The following AFDN variants were observed in gnomAD, a reference collection of about 807,000 sequenced individuals.
AFDN encodes afadin, adherens junction formation factor.
Under a neutral mutation model 216.6 loss-of-function variants are expected in AFDN, and 68 were observed. The observed-to-expected ratio is 0.31, with a 90% CI of 0.26 to 0.38. The LOEUF is 0.38. Among genes scored for constraint, AFDN ranks in the 10% least tolerant of loss-of-function variants. The pLI is 1.00. For missense variants in AFDN, 2,136 were observed against 2,342.0 expected, an observed-to-expected ratio of 0.91 and a Z score of 1.82; for synonymous variants, 868 against 853.7, an observed-to-expected ratio of 1.02 and a Z score of -0.29.
intron 25 of AFDN, 144 bp from the exon 26 acceptor site, chr6:167,943,797 A>G: frequency 1.4e-6 from 1 of 707,814 alleles, no homozygotes; most frequent in Non-Finnish European, 2.3e-6. Context: ...GGTAGTGAGT[A>G]AGCTGTCTGG....
At chr6:167,879,471 A>G (rs1455694325) in intron 5 of AFDN, among the ~76,000 whole-genome samples, 1 of 152,190 alleles carries the variant, frequency 6.6e-6, no homozygotes, top group African/African-American at 2.4e-5. Flanking sequence ...TGAGAGTTAA[A>G]GAAGCCAGAG....
chr6:167,891,408 G>GTGTGT (rs1562619712), intron 8 of AFDN, among the ~76,000 whole-genome samples: 6,673 of 71,906 alleles, frequency 0.093, 221 homozygotes, highest in East Asian at 0.18. Flanking sequence ...TAAAGGGGTG[G>GTGTGT]GTGTGTGTGT....
At chr6:167,851,725 A>G (rs894215361) in intron 1 of AFDN, among the ~76,000 whole-genome samples, 2 of 152,180 alleles carry the variant, frequency 1.3e-5, no homozygotes, top group Non-Finnish European at 2.9e-5. Flanking sequence ...ATTTTACCCA[A>G]TGTCTGGCTG....
At chr6:167,944,533 T>C (rs1582995449) in intron 26 of AFDN, among the ~76,000 whole-genome samples, 1 of 152,234 alleles carries the variant, frequency 6.6e-6, no homozygotes, top group East Asian at 1.9e-4. Context: ...TAGTCCTGCA[T>C]TTGCTGAGAT....
intron 6 of AFDN, among the ~76,000 whole-genome samples, chr6:167,885,456 G>A (rs575733362): frequency 2.7e-4 from 41 of 152,238 alleles, no homozygotes; most frequent in Admixed American, 9.2e-4. Context: ...GTATTAATTG[G>A]CCTAATTTCA....
At chr6:167,923,793 T>A (rs1792137044) in intron 22 of AFDN, among the ~76,000 whole-genome samples, 1 of 152,034 alleles carries the variant, frequency 6.6e-6, no homozygotes, top group Non-Finnish European at 1.5e-5. Flanking sequence ...TGGCTAATTT[T>A]TTTGAATTTT....
chr6:167,943,155 C>A lies in AFDN; in HGVS notation c.3126C>A (p.Ile1042=). The A allele has an allele frequency of 1.2e-6, 2 of 1,613,916 alleles. No individual in the cohort carries two copies. The highest frequency in any genetic ancestry group is 3.3e-4 in the Middle Eastern group (2 of 6,062). The change falls in exon 24 of 34, where the codon ATC becomes ATA. Residue 1042 remains isoleucine (I), a synonymous_variant. Coordinates refer to ENST00000683244, the MANE Select transcript of AFDN (RefSeq NM_001386888.1). Reference sequence around the variant, plus strand: ...GTGCTGGTCAAGATAAACTAGGAATCTATGTGAAGTCGGTTGTGAAAGGAG... The same window carrying A: ...GTGCTGGTCAAGATAAACTAGGAATATATGTGAAGTCGGTTGTGAAAGGAG... The part of the protein sequence containing the change: ...AKGAGQDKLG[I]YVKSVVKGGA...
rs1306844502 is a variant in AFDN, at chr6:167,910,228, G to A, written c.1770-873G>A. 2.6e-5 allele frequency among the ~76,000 whole-genome samples: 4 copies of A among 152,284 alleles called. No homozygotes were observed. In the East Asian group the frequency reaches 5.8e-4, roughly 22 times the overall value. On this transcript the variant is annotated intron_variant, in intron 13 of 33. Transcript: ENST00000683244. ...ATAACACAAGATTATATCTTACATT[G>A]TGCTCTGGTGAACACACATACAAAT...
chr6:167,860,398 A>T (rs2128216152), intron 1 of AFDN, among the ~76,000 whole-genome samples: 1 of 152,246 alleles, frequency 6.6e-6, no homozygotes, highest in African/African-American at 2.4e-5. Flanking sequence ...TTATATGCAG[A>T]GCATTGTATT....
chr6:167,907,321 GT>G (rs1789832259), intron 13 of AFDN, 32 bp downstream of exon 13: 5 of 1,504,580 alleles, frequency 3.3e-6, no homozygotes, highest in Admixed American at 1.7e-5. Context: ...AATGGTGAAA[GT>G]ACTGAAAGTA....
Position 167,893,948 on chromosome 6 carries a change from A to C in AFDN, c.1222+42A>C, listed in dbSNP as rs752802109. ...TACTACTTTTATAACTAAAGCACTA[A>C]TAGAACCTCATGGGCAGAATAGTGT... On this transcript the variant is annotated intron_variant, in intron 9 of 33. Coordinates refer to ENST00000683244, the MANE Select transcript of AFDN (RefSeq NM_001386888.1). The C allele has an allele frequency of 5.7e-6, 8 of 1,407,722 alleles. No individual in the cohort carries two copies. The African/African-American group carries it at 1.1e-4, about 20-fold the overall frequency. The allele number at this position is 1,407,722 out of a possible 1,614,324, so 87.2% of individuals were successfully genotyped here.
chr6:167,893,720 A>G, intron 8 of AFDN, 142 bp from the exon 9 acceptor site: 1 of 676,580 alleles, frequency 1.5e-6, no homozygotes, highest in South Asian at 1.7e-5. Flanking sequence ...GGTGAAGTGT[A>G]CCTTTTCTTC....
chr6:167,923,010 G>T (rs1165861059), intron 22 of AFDN, 51 bp downstream of exon 22: 2 of 1,270,306 alleles, frequency 1.6e-6, no homozygotes, highest in Non-Finnish European at 2.3e-6. Flanking sequence ...AGGACTTGAA[G>T]ATGTGATGCA....
At chr6:167,850,256 CT>C (rs1473534506) in intron 1 of AFDN, among the ~76,000 whole-genome samples, 2 of 152,130 alleles carry the variant, frequency 1.3e-5, no homozygotes, top group African/African-American at 2.4e-5. Context: ...CCCAACCCCC[CT>C]CTCGCTCATG....
chr6:167,967,009 A>G (rs1234180287), intron 32 of AFDN, among the ~76,000 whole-genome samples: 1 of 152,256 alleles, frequency 6.6e-6, no homozygotes, highest in Middle Eastern at 3.2e-3. Flanking sequence ...ACTGTAGAGC[A>G]GGACAGTTGT....
intron 23 of AFDN, among the ~76,000 whole-genome samples, chr6:167,935,770 T>G (rs1405626786): frequency 6.6e-6 from 1 of 152,192 alleles, no homozygotes; most frequent in African/African-American, 2.4e-5. Context: ...TAATGGCTCT[T>G]TTGCTTTTCT....
chr6:167,886,568 C>A (rs1357335001), intron 6 of AFDN, among the ~76,000 whole-genome samples: 1 of 151,984 alleles, frequency 6.6e-6, no homozygotes, highest in Non-Finnish European at 1.5e-5. Context: ...TAATCCCTTA[C>A]CATTCACAAG....
chr6:167,833,916 C>G (rs1020118910), intron 1 of AFDN, among the ~76,000 whole-genome samples: 1 of 151,994 alleles, frequency 6.6e-6, no homozygotes, highest in African/African-American at 2.4e-5. Context: ...TTATTATTAT[C>G]CAAATAAACT....
At chr6:167,865,922 A>C (rs1012624412) in intron 2 of AFDN, among the ~76,000 whole-genome samples, 1 of 152,000 alleles carries the variant, frequency 6.6e-6, no homozygotes, top group African/African-American at 2.4e-5. Context: ...TATGTAAGTC[A>C]GGCCATTTTT....
Sources: allele counts gnomAD v4.1 joint callset (sites outside exome capture counted in the v4.1 genomes callset), GRCh38; gene constraint gnomAD v4.1.1; transcripts MANE v1.5; gene names NCBI Gene and HGNC (gene_info 2026-07-23, HGNC 2026-07-21).